The following CACNA2D3 variants were observed in gnomAD, a reference collection of about 807,000 sequenced individuals.
CACNA2D3 encodes the protein calcium voltage-gated channel auxiliary subunit alpha2delta 3, also known as voltage-dependent calcium channel subunit alpha-2/delta-3.
In CACNA2D3, 60 loss-of-function variants were observed where a neutral mutation model predicts 160.6. That is an observed-to-expected ratio of 0.37 (90% CI 0.30 to 0.46). The LOEUF is 0.46. CACNA2D3 is among the 20% of genes least tolerant of loss of function. The pLI, the probability that CACNA2D3 is intolerant of heterozygous loss-of-function variation, is 1.00. For synonymous variants in CACNA2D3, 558 were observed against 492.9 expected, an observed-to-expected ratio of 1.13 and a Z score of -1.75; for missense variants, 1,205 against 1,365.0, an observed-to-expected ratio of 0.88 and a Z score of 1.85.
rs187264813 is a variant in CACNA2D3, at chr3:54,710,087, T to G, written c.1168-42512T>G. 2.5e-3 allele frequency among the ~76,000 whole-genome samples: 378 copies of G among 152,336 alleles called. 2 individuals carry two copies. The highest frequency in any genetic ancestry group is 8.7e-3 in the African/African-American group (362 of 41,570). The stretch of plus-strand genomic sequence containing the variant: ...CATTTGCTAAATATTCATTTGTTCA[T>G]GCATTGAGCAAGTATTTGTGGAGCA... On this transcript the variant is annotated intron_variant, in intron 11 of 37. Transcript: ENST00000474759.
At chr3:55,018,180 C>CT (rs200730819) in intron 34 of CACNA2D3, 26 bp from the exon 35 acceptor site, 1,512 of 1,448,536 alleles carry the variant, frequency 1.0e-3, no homozygotes, top group East Asian at 3.0e-3. Context: ...CATTCTTTAC[C>CT]TTTTTTTTTC....
intron 9 of CACNA2D3, among the ~76,000 whole-genome samples, chr3:54,595,636 G>A (rs546368449): frequency 2.6e-5 from 4 of 152,170 alleles, no homozygotes; most frequent in South Asian, 2.1e-4. Context: ...GCATCCTGTC[G>A]ACCACACAGC....
At chr3:54,961,557 T>A (rs1430487578) in intron 27 of CACNA2D3, among the ~76,000 whole-genome samples, 1 of 152,202 alleles carries the variant, frequency 6.6e-6, no homozygotes, top group African/African-American at 2.4e-5. Context: ...AGCTCTTGGA[T>A]CTGTTTCTCT....
intron 11 of CACNA2D3, among the ~76,000 whole-genome samples, chr3:54,668,244 GT>G (rs1700102816): frequency 6.6e-6 from 1 of 152,168 alleles, no homozygotes; most frequent in Admixed American, 6.5e-5. Context: ...AGTGCCTTGA[GT>G]TTTTTCTCTT....
chr3:54,768,107 T>C (rs1364339456), intron 13 of CACNA2D3, among the ~76,000 whole-genome samples: 1 of 152,196 alleles, frequency 6.6e-6, no homozygotes, highest in Non-Finnish European at 1.5e-5. Context: ...AGTTCGATGA[T>C]GAGCAGGGTA....
rs532333440 is a variant in CACNA2D3, at chr3:54,662,365, G to A, written c.1167+20124G>A. On this transcript the variant is annotated intron_variant, in intron 11 of 37. Coordinates refer to ENST00000474759, the MANE Select transcript of CACNA2D3 (RefSeq NM_018398.3). ...GGCTAGCCTTGTTGACCACAACAAG[G>A]GAGAGTCTAAAGTGACTAATCTATT... Among the ~76,000 whole-genome samples, 12 of 152,252 alleles carry A rather than the reference G, an allele frequency of 7.9e-5. No individual in the cohort carries two copies. In the South Asian group the frequency reaches 2.5e-3, roughly 32 times the overall value.
intron 35 of CACNA2D3, among the ~76,000 whole-genome samples, chr3:55,033,662 A>AT (rs1703727446): frequency 8.2e-6 from 1 of 121,718 alleles, no homozygotes; most frequent in Non-Finnish European, 1.8e-5. Flanking sequence ...TATAAAATAG[A>AT]TATATAAAAT....
At chr3:54,306,337 G>C (rs1703600932) in intron 2 of CACNA2D3, among the ~76,000 whole-genome samples, 1 of 152,200 alleles carries the variant, frequency 6.6e-6, no homozygotes, top group Non-Finnish European at 1.5e-5. Flanking sequence ...ATGAGAGAGA[G>C]AGAGAGAAGT....
intron 13 of CACNA2D3, among the ~76,000 whole-genome samples, chr3:54,808,699 T>A (rs1180554238): frequency 6.6e-6 from 1 of 152,166 alleles, no homozygotes; most frequent in Non-Finnish European, 1.5e-5. Flanking sequence ...ATTTCTCACC[T>A]GTAAAATTGT....
chr3:54,380,234 C>T (rs1699077701), intron 3 of CACNA2D3, among the ~76,000 whole-genome samples: 1 of 152,108 alleles, frequency 6.6e-6, no homozygotes, highest in African/African-American at 2.4e-5. Context: ...TGCTCAGTGC[C>T]CTTAATGAGG....
chr3:54,908,292 G>A (rs1298166559), intron 27 of CACNA2D3, among the ~76,000 whole-genome samples: 4 of 152,208 alleles, frequency 2.6e-5, no homozygotes, highest in East Asian at 3.9e-4. Context: ...GCATCTTTTC[G>A]TGTGCTTACT....
In CACNA2D3 at chr3:55,052,235, GT is replaced by G. The variant is rs1704241983; in HGVS notation, c.2988-21206del. ...ATCGTTCATTTGAAAATATTTGAGG[GT>G]TTTCCGGAAACTTTTCTGTTACTGA... On this transcript the variant is annotated intron_variant, in intron 35 of 37. Transcript: ENST00000474759. 2.6e-5 allele frequency among the ~76,000 whole-genome samples: 4 copies of G among 152,072 alleles called. No individual in the cohort carries two copies. The South Asian group carries it at 8.3e-4, about 32-fold the overall frequency.
rs1312006818 is a variant in CACNA2D3, at chr3:54,736,048, CAT to C, written c.1168-16549_1168-16548del. Among the ~76,000 whole-genome samples the C allele has an allele frequency of 8.6e-5, 3 of 35,052 alleles. 1 individual carries two copies. The highest frequency in any genetic ancestry group is 8.1e-4 in the East Asian group (2 of 2,454). 23.0% of individuals were successfully genotyped at this position (35,052 alleles called of 152,430 possible). On this transcript the variant is annotated intron_variant, in intron 11 of 37. Coordinates refer to ENST00000474759, the MANE Select transcript of CACNA2D3 (RefSeq NM_018398.3). ...ACATATATATATGTATATATATACA[CAT>C]ACATATGTATGTATATATATATACA... is the stretch of plus-strand genomic sequence containing the variant.
chr3:54,122,833 C>T lies in CACNA2D3; in HGVS notation c.120C>T (p.Ser40=), dbSNP rs571640675. ...GCTCGGAGCAGCAGATACCGCTCTC[C>T]GTGTAAGTGCCGGCTCCTGCGCCGC... ...VVRSEQQIPL[S]VVKLWASAFG... Residue 40 remains serine (S), a splice_region_variant and synonymous_variant, in exon 1 of 38, where the codon TCC becomes TCT. Coordinates refer to ENST00000474759, the MANE Select transcript of CACNA2D3 (RefSeq NM_018398.3). The T allele has an allele frequency of 2.4e-6, 3 of 1,231,066 alleles. No individual in the cohort carries two copies. Among genetic ancestry groups the T allele is most frequent in the East Asian group, 6.4e-5 (2 of 31,058 alleles). 76.3% of individuals were successfully genotyped at this position (1,231,066 alleles called of 1,614,324 possible). A position where few individuals can be genotyped will look rare whatever the true frequency, so the allele number is the denominator to read the frequency against.
At chr3:54,901,507 T>C (rs1700332007) in intron 27 of CACNA2D3, among the ~76,000 whole-genome samples, 1 of 152,174 alleles carries the variant, frequency 6.6e-6, no homozygotes. Flanking sequence ...TTCCAAATGC[T>C]ATGCCAGTCT....
chr3:54,339,145 T>A (rs1425182922), intron 3 of CACNA2D3, among the ~76,000 whole-genome samples: 1 of 152,204 alleles, frequency 6.6e-6, no homozygotes, highest in Non-Finnish European at 1.5e-5. Context: ...GCCACGCCTG[T>A]CTCTCCCAGC....
intron 11 of CACNA2D3, among the ~76,000 whole-genome samples, chr3:54,742,143 G>T (rs913871995): frequency 3.9e-5 from 6 of 152,182 alleles, no homozygotes; most frequent in Non-Finnish European, 8.8e-5. Context: ...CTGGGGCTGG[G>T]TGCGGTGGCT....
intron 2 of CACNA2D3, among the ~76,000 whole-genome samples, chr3:54,297,694 T>A (rs74417596): frequency 0.02 from 2,961 of 147,520 alleles, 99 homozygotes; most frequent in African/African-American, 0.069. Context: ...TTAATGTTGG[T>A]TCCCCTCTCC....
chr3:54,767,262 G>A (rs1367663320), intron 13 of CACNA2D3, among the ~76,000 whole-genome samples: 3 of 152,030 alleles, frequency 2.0e-5, no homozygotes, highest in Non-Finnish European at 4.4e-5. Context: ...TCTCAGAAAG[G>A]GAGGAAAAAA....
Sources: allele counts gnomAD v4.1 joint callset (sites outside exome capture counted in the v4.1 genomes callset), GRCh38; gene constraint gnomAD v4.1.1; transcripts MANE v1.5; gene names NCBI Gene and HGNC (gene_info 2026-07-23, HGNC 2026-07-21).